Variants in RABGEF1 observed in about 807,000 individuals in gnomAD.
RABGEF1 encodes RAB guanine nucleotide exchange factor 1.
In RABGEF1, 26 loss-of-function variants were observed where a neutral mutation model predicts 57.3. That is an observed-to-expected ratio of 0.45 (90% CI 0.33 to 0.63). RABGEF1 has a LOEUF of 0.63. Among genes scored for constraint, RABGEF1 ranks in the 20% least tolerant of loss-of-function variants. RABGEF1 has a pLI of 0.02. For synonymous variants in RABGEF1, 185 were observed against 210.7 expected, an observed-to-expected ratio of 0.88 and a Z score of 1.06; for missense variants, 464 against 607.6, an observed-to-expected ratio of 0.76 and a Z score of 2.48.
chr7:66,742,688 T>C (rs1165442114), intron 1 of RABGEF1, among the ~76,000 whole-genome samples: 1 of 152,078 alleles, frequency 6.6e-6, no homozygotes. Flanking sequence ...GTCACTGAAG[T>C]CTCAACTGCC....
At chr7:66,762,189 G>T (rs1804579411) in intron 1 of RABGEF1, among the ~76,000 whole-genome samples, 1 of 152,238 alleles carries the variant, frequency 6.6e-6, no homozygotes, top group Non-Finnish European at 1.5e-5. Context: ...CACTAGAAAT[G>T]TAACAGTGGA....
At chr7:66,729,031 A>G (rs1182448585) in intron 2 of RABGEF1, among the ~76,000 whole-genome samples, 2 of 150,574 alleles carry the variant, frequency 1.3e-5, no homozygotes, top group Non-Finnish European at 3.0e-5. Context: ...ACTCACTGCA[A>G]CCTCTGCCTC....
intron 1 of RABGEF1, among the ~76,000 whole-genome samples, chr7:66,704,682 G>A (rs1793747211): frequency 6.6e-6 from 1 of 151,674 alleles, no homozygotes; most frequent in South Asian, 2.1e-4. Flanking sequence ...GTGGTGGTGG[G>A]CGCCTGTAGT....
chr7:66,762,097 A>T (rs1324266227), intron 1 of RABGEF1, among the ~76,000 whole-genome samples: 1 of 151,880 alleles, frequency 6.6e-6, no homozygotes. Context: ...AAATCCTAGG[A>T]TGAGGGCTAT....
Position 66,783,722 on chromosome 7 carries a change from A to G in RABGEF1, c.394A>G (p.Ser132Gly), listed in dbSNP as rs749037718. 6.8e-6 allele frequency: 11 copies of G among 1,612,554 alleles called. No individual in the cohort carries two copies. Among genetic ancestry groups the G allele is most frequent in the Non-Finnish European group, 9.3e-6 (11 of 1,179,152 alleles). The change falls in exon 4 of 9, where the codon AGC becomes GGC. Residue 132 changes from serine (S) to glycine (G), a missense_variant. By Grantham distance (56) the Ser-to-Gly change is moderately conservative. Around this residue, in one of 4 missense-constraint regions of RABGEF1, gnomAD observed 284 missense variants for 389.9 expected, o/e 0.73. Coordinates refer to ENST00000284957, the MANE Select transcript of RABGEF1 (RefSeq NM_014504.3). ...CAGTCCTTCCATAAACCGGCAAACC[A>G]GCATTGAAACGGATAGAGTGTCTAA... ...APSPSINRQT[S>G]IETDRVSKEF...
intron 2 of RABGEF1, among the ~76,000 whole-genome samples, chr7:66,722,171 G>T (rs989898438): frequency 1.3e-5 from 2 of 152,184 alleles, no homozygotes; most frequent in African/African-American, 4.8e-5. Flanking sequence ...GCTGGGTACG[G>T]TGGCTCACGC....
chr7:66,762,587 TCAAGA>T (rs1455762510), intron 1 of RABGEF1, among the ~76,000 whole-genome samples: 1 of 150,228 alleles, frequency 6.7e-6, no homozygotes, highest in Non-Finnish European at 1.5e-5. Context: ...AGACCCTGTC[TCAAGA>T]AAAGAAAAGA....
chr7:66,682,747 A>G (rs1037763619), intron 1 of RABGEF1, among the ~76,000 whole-genome samples: 1 of 151,912 alleles, frequency 6.6e-6, no homozygotes, highest in African/African-American at 2.4e-5. Context: ...CCCTGGGGGG[A>G]CAGAAGCGTC....
the RABGEF1 span, among the ~76,000 whole-genome samples, chr7:66,661,841 A>G: frequency 6.6e-6 from 1 of 152,240 alleles, no homozygotes; most frequent in African/African-American, 2.4e-5. Context: ...AATATTACTT[A>G]TGAACATTGG....
At chr7:66,715,939 C>CA (rs1481519495) in intron 2 of RABGEF1, among the ~76,000 whole-genome samples, 1 of 152,066 alleles carries the variant, frequency 6.6e-6, no homozygotes, top group African/African-American at 2.4e-5. Flanking sequence ...AAAAAGACTA[C>CA]AGTTGTGGAT....
intron 6 of RABGEF1, among the ~76,000 whole-genome samples, chr7:66,798,617 G>A (rs866906509): frequency 6.6e-6 from 1 of 152,290 alleles, no homozygotes; most frequent in South Asian, 2.1e-4. Flanking sequence ...CAGTGATTCA[G>A]GCATGGTGGT....
rs192219443 is a variant in RABGEF1, at chr7:66,797,839, G to A, written c.728+333G>A. 2.1e-3 allele frequency among the ~76,000 whole-genome samples: 324 copies of A among 152,320 alleles called. 4 individuals are homozygous for A. The highest frequency in any genetic ancestry group is 0.011 in the Admixed American group (165 of 15,294). On this transcript the variant is annotated intron_variant, in intron 6 of 8. Transcript: ENST00000284957. ...AGCTGTGAATATCGGTATCAAGGCA[G>A]GGGATGTCGGCTGGGCCCGGTGGCT...
chr7:66,718,734 A>C (rs1268434513), intron 2 of RABGEF1, among the ~76,000 whole-genome samples: 2 of 152,202 alleles, frequency 1.3e-5, no homozygotes, highest in Non-Finnish European at 2.9e-5. Context: ...GGAGTGGTCC[A>C]TCCTGTAATT....
intron 2 of RABGEF1, among the ~76,000 whole-genome samples, chr7:66,728,945 C>G (rs1367151994): frequency 2.6e-5 from 4 of 151,614 alleles, no homozygotes; most frequent in African/African-American, 7.3e-5. Context: ...TCCATCTTCA[C>G]CTCCACTTTT....
chr7:66,667,824 G>A, the RABGEF1 span, among the ~76,000 whole-genome samples: 154 of 152,292 alleles, frequency 1.0e-3, no homozygotes, highest in African/African-American at 3.5e-3. Context: ...TTGAGATGGA[G>A]TCTTGCTCTG....
upstream of RABGEF1, among the ~76,000 whole-genome samples, chr7:66,681,796 C>G (rs1789763238): frequency 6.6e-6 from 1 of 152,212 alleles, no homozygotes; most frequent in Admixed American, 6.5e-5. Flanking sequence ...CTCCGCTCCA[C>G]CTCCCATTCG....
chr7:66,808,651 G>T (rs1789007277), intron 8 of RABGEF1, among the ~76,000 whole-genome samples: 1 of 152,226 alleles, frequency 6.6e-6, no homozygotes, highest in African/African-American at 2.4e-5. Flanking sequence ...GCTTCATGGT[G>T]CACCTGGGGA....
At chr7:66,670,900 C>T in the RABGEF1 span, among the ~76,000 whole-genome samples, 3 of 151,286 alleles carry the variant, frequency 2.0e-5, no homozygotes, top group African/African-American at 7.3e-5. Context: ...CGTATACACA[C>T]ACACACACAC....
At chr7:66,783,910 T>C (rs1810544521) in intron 4 of RABGEF1, 69 bp downstream of exon 4, 21 of 1,361,948 alleles carry the variant, frequency 1.5e-5, no homozygotes, top group Non-Finnish European at 2.1e-5. Context: ...GATAATATAG[T>C]GCAACCTTGT....
Sources: allele counts gnomAD v4.1 joint callset (sites outside exome capture counted in the v4.1 genomes callset), GRCh38; gene constraint gnomAD v4.1.1; regional missense constraint gnomAD v4.1.1; transcripts MANE v1.5; gene names NCBI Gene and HGNC (gene_info 2026-07-23, HGNC 2026-07-21).